DOCK9: variants seen among roughly 807,000 people sequenced by gnomAD.
DOCK9 encodes the protein dedicator of cytokinesis 9.
DOCK9 carries 89 observed loss-of-function variants against 263.3 expected under a neutral mutation model. The ratio of observed to expected loss-of-function variants is 0.34; its 90% CI spans 0.28 to 0.40. The LOEUF (loss-of-function observed/expected upper bound fraction) is 0.40, where lower values mean the gene tolerates loss of function less well. Ranked by LOEUF, DOCK9 falls within the 10% of genes least tolerant of loss-of-function variation. The pLI is 1.00. For missense variants in DOCK9, 2,140 were observed against 2,603.4 expected (o/e 0.82, Z 3.87); for synonymous variants, 976 against 973.1 (o/e 1.00, Z -0.06).
At chr13:98,906,881 C>T (rs4771320) in intron 9 of DOCK9, among the ~76,000 whole-genome samples, 111,384 of 152,000 alleles carry the variant, frequency 0.73, 41,300 homozygotes, top group Middle Eastern at 0.9. Flanking sequence ...TCCATTTTCA[C>T]TTCCAGGTAA....
intron 1 of DOCK9, among the ~76,000 whole-genome samples, chr13:99,011,351 C>T (rs1034988887): frequency 3.3e-5 from 5 of 151,984 alleles, no homozygotes. Flanking sequence ...AGTTGAAGGG[C>T]AATATAAAAG....
chr13:98,979,028 A>G (rs1455081874), upstream of DOCK9, among the ~76,000 whole-genome samples: 1 of 152,174 alleles, frequency 6.6e-6, no homozygotes, highest in Non-Finnish European at 1.5e-5. Context: ...AGGGGGGATC[A>G]AATATTACTC....
chr13:99,061,812 T>C (rs2041203912), intron 1 of DOCK9, among the ~76,000 whole-genome samples: 1 of 152,182 alleles, frequency 6.6e-6, no homozygotes, highest in Non-Finnish European at 1.5e-5. Context: ...CTAATTTTCC[T>C]ATAATAAACA....
intron 34 of DOCK9, among the ~76,000 whole-genome samples, chr13:98,855,099 TTTCAAGAAAAAAG>T (rs1397524776): frequency 2.6e-5 from 4 of 152,138 alleles, no homozygotes; most frequent in Non-Finnish European, 2.9e-5. Flanking sequence ...CACTTAGTAG[TTTCAAGAAAAAAG>T]GCTAAGTATG....
intron 1 of DOCK9, among the ~76,000 whole-genome samples, chr13:99,064,713 T>C (rs538980741): frequency 3.3e-5 from 5 of 152,332 alleles, no homozygotes; most frequent in South Asian, 4.1e-4. Flanking sequence ...AAAACTGATA[T>C]GAAGTCAAAA....
At position 98,800,458 on chromosome 13, in the gene DOCK9, C is replaced by T; in HGVS notation, c.5746G>A (p.Val1916Met). The change falls in exon 50 of 53, where the codon GTG becomes ATG. Residue 1916 changes from valine to methionine, a missense_variant. This residue lies in a region of DOCK9 where 619 missense variants were observed against 861.8 expected (regional missense o/e 0.72). Coordinates refer to ENST00000682017, the MANE Select transcript of DOCK9 (RefSeq NM_001366683.2). ...TACATGACAGGGATGCGCTTCTTCA[C>T]ATAAGGGAAGCAGTGTATGGCTGCA... The part of the protein sequence containing the change: ...ILTAIHCFPY[V>M]KKRIPVMYQH... 2.5e-6 allele frequency: 4 copies of T among 1,613,970 alleles called. No individual in the cohort carries two copies. The highest frequency in any genetic ancestry group is 3.4e-6 in the Non-Finnish European group (4 of 1,179,866).
intron 1 of DOCK9, among the ~76,000 whole-genome samples, chr13:99,011,326 T>TA (rs1001934462): frequency 6.6e-6 from 1 of 152,202 alleles, no homozygotes; most frequent in Non-Finnish European, 1.5e-5. Flanking sequence ...GCAGGTAATA[T>TA]AAAAAAATAA....
At chr13:98,798,745 T>A (rs1012760918) in intron 50 of DOCK9, among the ~76,000 whole-genome samples, 9 of 152,206 alleles carry the variant, frequency 5.9e-5, no homozygotes, top group African/African-American at 2.2e-4. Flanking sequence ...ATGATAAAGT[T>A]AATTTCCTCT....
At chr13:98,951,477 G>GT (rs1198477606) in intron 2 of DOCK9, among the ~76,000 whole-genome samples, 3 of 152,224 alleles carry the variant, frequency 2.0e-5, no homozygotes, top group African/African-American at 7.2e-5. Context: ...GGGCAGGTGG[G>GT]TGGGAGAACA....
chr13:98,927,632 T>A lies in DOCK9; in HGVS notation c.334-1713A>T, dbSNP rs1331982293. The stretch of plus-strand genomic sequence containing the variant: ...CCAGATTTTTATTTATTTATTTATT[T>A]TTTTTTAAGACGGAATCTTGCTCTG... On this transcript the variant is annotated intron_variant, in intron 3 of 52. Transcript: ENST00000682017. Among the ~76,000 whole-genome samples, 7 of 151,728 alleles carry A rather than the reference T, an allele frequency of 4.6e-5. No homozygotes were observed. The South Asian group carries it at 1.2e-3, about 27-fold the overall frequency.
chr13:98,961,335 G>A (rs567929158), intron 1 of DOCK9, among the ~76,000 whole-genome samples: 12 of 152,242 alleles, frequency 7.9e-5, no homozygotes, highest in South Asian at 2.1e-4. Flanking sequence ...GCAATGTTGC[G>A]TCCACTGTTT....
intron 48 of DOCK9, 88 bp downstream of exon 48, chr13:98,807,573 G>T (rs1374543690): frequency 8.1e-7 from 1 of 1,228,856 alleles, no homozygotes; most frequent in Non-Finnish European, 1.1e-6. Flanking sequence ...TTTTTCTTGT[G>T]TTTTTTTCTA....
intron 25 of DOCK9, among the ~76,000 whole-genome samples, chr13:98,881,288 T>C (rs1385611460): frequency 2.0e-5 from 3 of 152,102 alleles, no homozygotes; most frequent in Admixed American, 1.3e-4. Context: ...CAACTTAAAA[T>C]TCTTCTTTAA....
rs2140744365 is a variant in DOCK9, at chr13:98,825,057, A to C, written c.5024-553T>G. 6.6e-6 allele frequency among the ~76,000 whole-genome samples: 1 copy of C among 152,280 alleles called. No individual in the cohort carries two copies. Among genetic ancestry groups the C allele is most frequent in the African/African-American group, 2.4e-5 (1 of 41,568 alleles). Reference sequence around the variant, plus strand: ...CTGCCTTAGCTGGTTCCCACCCCAGAGGCCCCGGGGTGGGTGGCTGGCTGC... The same window carrying C: ...CTGCCTTAGCTGGTTCCCACCCCAGCGGCCCCGGGGTGGGTGGCTGGCTGC... On this transcript the variant is annotated intron_variant, in intron 44 of 52. Coordinates refer to ENST00000682017, the MANE Select transcript of DOCK9 (RefSeq NM_001366683.2). This position sits in a 1 kb window ranked among gnomAD's most constrained non-coding sequence, Gnocchi z 4.1.
chr13:98,944,342 A>G lies in DOCK9; in HGVS notation c.243+11093T>C, dbSNP rs553600583. Among the ~76,000 whole-genome samples, 35 of 147,298 alleles carry G rather than the reference A, an allele frequency of 2.4e-4. No individual in the cohort carries two copies. In the South Asian group the frequency reaches 8.1e-3, roughly 34 times the overall value. ...CTTAATCCTAGGTTTTCCTGAGCACAATATGGAGCAAAAATCACGTCACAG... is the reference window on the plus strand; with the variant it reads ...CTTAATCCTAGGTTTTCCTGAGCACGATATGGAGCAAAAATCACGTCACAG... On this transcript the variant is annotated intron_variant, in intron 2 of 52. Coordinates refer to ENST00000682017, the MANE Select transcript of DOCK9 (RefSeq NM_001366683.2).
intron 1 of DOCK9, among the ~76,000 whole-genome samples, chr13:99,082,623 G>A (rs1181177330): frequency 5.3e-5 from 8 of 151,974 alleles, no homozygotes; most frequent in South Asian, 2.1e-4. Context: ...TAGAAAAACC[G>A]AGTATGCCTC....
At chr13:98,887,136 T>C (rs1280789987) in intron 18 of DOCK9, among the ~76,000 whole-genome samples, 1 of 58,148 alleles carries the variant, frequency 1.7e-5, no homozygotes, top group Admixed American at 2.3e-4. Context: ...TATATATATA[T>C]ATATATATTT....
chr13:99,062,476 T>C (rs1032758231), intron 1 of DOCK9, among the ~76,000 whole-genome samples: 1 of 152,196 alleles, frequency 6.6e-6, no homozygotes, highest in Non-Finnish European at 1.5e-5. Flanking sequence ...CATACACTTA[T>C]GACCTCCTTG....
chr13:98,980,754 G>A (rs899089004), upstream of DOCK9, among the ~76,000 whole-genome samples: 1 of 152,136 alleles, frequency 6.6e-6, no homozygotes, highest in Non-Finnish European at 1.5e-5. Flanking sequence ...ACATTACAAA[G>A]CGCTTCAGCA....
Sources: allele counts gnomAD v4.1 joint callset (sites outside exome capture counted in the v4.1 genomes callset), GRCh38; gene constraint gnomAD v4.1.1; regional missense constraint gnomAD v4.1.1; non-coding constraint Gnocchi (gnomAD v3.1); transcripts MANE v1.5; gene names NCBI Gene and HGNC (gene_info 2026-07-23, HGNC 2026-07-21).